The following UBE4B variants were observed in gnomAD, a reference collection of about 807,000 sequenced individuals.
The protein encoded by UBE4B is ubiquitin conjugation factor E4 B.
UBE4B carries 27 observed loss-of-function variants against 148.1 expected under a neutral mutation model. That is an observed-to-expected ratio of 0.18 (90% confidence interval 0.13 to 0.25). The LOEUF (loss-of-function observed/expected upper bound fraction) is 0.25, where lower values mean the gene tolerates loss of function less well. Ranked by LOEUF, UBE4B falls within the 10% of genes least tolerant of loss-of-function variation. UBE4B has a pLI of 1.00. For missense variants in UBE4B, 1,170 were observed against 1,662.4 expected (o/e 0.70, Z 5.15); for synonymous variants, 596 against 619.3 (o/e 0.96, Z 0.56).
At chr1:10,126,487 A>G (rs1645500783) in intron 10 of UBE4B, among the ~76,000 whole-genome samples, 1 of 152,220 alleles carries the variant, frequency 6.6e-6, no homozygotes, top group African/African-American at 2.4e-5. Flanking sequence ...GAGTTCTTCA[A>G]CAGGCTCCAA....
chr1:10,103,873 G>C (rs1361365479), intron 5 of UBE4B, among the ~76,000 whole-genome samples: 1 of 151,992 alleles, frequency 6.6e-6, no homozygotes, highest in Non-Finnish European at 1.5e-5. Flanking sequence ...TGATCCGCCC[G>C]CCTTGGCCTC....
intron 3 of UBE4B, among the ~76,000 whole-genome samples, chr1:10,100,577 G>T (rs145266804): frequency 6.6e-6 from 1 of 151,876 alleles, no homozygotes; most frequent in Non-Finnish European, 1.5e-5. Context: ...TATTTGAGAC[G>T]GAGTTTCGCT....
intron 17 of UBE4B, among the ~76,000 whole-genome samples, chr1:10,140,939 T>G (rs1047730976): frequency 6.6e-6 from 1 of 152,332 alleles, no homozygotes; most frequent in Admixed American, 6.5e-5. Context: ...ATTCAAAGTT[T>G]GGGTCAACTA....
intron 1 of UBE4B, among the ~76,000 whole-genome samples, chr1:10,056,265 G>A (rs557913766): frequency 3.3e-5 from 5 of 152,184 alleles, no homozygotes; most frequent in African/African-American, 9.6e-5. Context: ...GTACACACTC[G>A]TATTATTTAG....
At chr1:10,119,161 G>C (rs913405555) in intron 8 of UBE4B, among the ~76,000 whole-genome samples, 1 of 151,936 alleles carries the variant, frequency 6.6e-6, no homozygotes, top group African/African-American at 2.4e-5. Context: ...GATTACAGGC[G>C]TGAGCCACCG....
chr1:10,034,111 A>G (rs1405072308), intron 1 of UBE4B, among the ~76,000 whole-genome samples: 1 of 152,222 alleles, frequency 6.6e-6, no homozygotes, highest in Non-Finnish European at 1.5e-5. Flanking sequence ...AAAGCATTTG[A>G]AATTCCAGAT....
intron 2 of UBE4B, among the ~76,000 whole-genome samples, chr1:10,082,619 A>G (rs1365372961): frequency 1.4e-5 from 2 of 146,312 alleles, no homozygotes; most frequent in Admixed American, 6.8e-5. Context: ...TGTAGGTCCT[A>G]TTAAGAAGGC....
chr1:10,137,084 T>G lies in UBE4B; in HGVS notation c.2242T>G (p.Phe748Val). 6.2e-7 allele frequency: 1 copy of G among 1,614,228 alleles called. No individual in the cohort carries two copies. The highest frequency in any genetic ancestry group is 1.1e-5 in the South Asian group (1 of 91,090). The change falls in exon 17 of 28, where the codon TTT (phenylalanine) becomes GTT (valine). Residue 748 changes from phenylalanine to valine, a missense_variant. By Grantham distance (50) the Phe-to-Val change is conservative (BLOSUM62 -1). Coordinates refer to ENST00000343090, the MANE Select transcript of UBE4B (RefSeq NM_001105562.3). ...TTTCCTAGATGGCGATCAGCCTCCATTTTCTGAGCCGAAATTCCCTACGGA... is the reference window on the plus strand; with the variant it reads ...TTTCCTAGATGGCGATCAGCCTCCAGTTTCTGAGCCGAAATTCCCTACGGA... ...LTELYGDQPP[F>V]SEPKFPTECF... is the part of the protein sequence containing the mutation.
intron 20 of UBE4B, among the ~76,000 whole-genome samples, 192 bp downstream of exon 20, chr1:10,149,474 CAG>C (rs1645935511): frequency 6.6e-6 from 1 of 152,222 alleles, no homozygotes; most frequent in South Asian, 2.1e-4. Flanking sequence ...ATCTCAAAGA[CAG>C]AGGCAGGATT....
chr1:10,129,562 G>C, intron 12 of UBE4B, 114 bp downstream of exon 12: 1 of 1,052,318 alleles, frequency 9.5e-7, no homozygotes, highest in Non-Finnish European at 1.4e-6. Context: ...TTAGGTGTAG[G>C]CGGAGGTAAC....
intron 22 of UBE4B, among the ~76,000 whole-genome samples, chr1:10,160,867 C>T (rs1038147353): frequency 2.0e-5 from 3 of 152,090 alleles, no homozygotes; most frequent in Non-Finnish European, 4.4e-5. Context: ...TGCTTGAGCC[C>T]TGGAGGTCGA....
intron 26 of UBE4B, chr1:10,179,118 G>T (rs1646468727): frequency 2.1e-6 from 1 of 482,742 alleles, no homozygotes. Flanking sequence ...CTAAGACAAA[G>T]AATTCCAGCC....
At chr1:10,150,009 G>A (rs781372165) in intron 20 of UBE4B, among the ~76,000 whole-genome samples, 1 of 152,140 alleles carries the variant, frequency 6.6e-6, no homozygotes, top group South Asian at 2.1e-4. Flanking sequence ...TAGGTCCCCA[G>A]TCACAGAATA....
chr1:10,147,051 T>A lies in UBE4B; in HGVS notation c.2552T>A (p.Ile851Asn), dbSNP rs1645884832. Reference sequence around the variant, plus strand: ...TGTCTGAATTTTTATGGCCTTCTCATTCAGCTGCTGCTCCGCATCCTGGAC... The same window carrying A: ...TGTCTGAATTTTTATGGCCTTCTCAATCAGCTGCTGCTCCGCATCCTGGAC... Reference protein sequence around the residue: ...RRCLNFYGLLIQLLLRILDPA... With the variant: ...RRCLNFYGLLNQLLLRILDPA... Residue 851 changes from isoleucine to asparagine, a missense_variant, in exon 19 of 28, where the codon ATT becomes AAT. Ile to Asn is a moderately radical substitution (Grantham distance 149, BLOSUM62 -3). Around this residue, in one of 6 missense-constraint regions of UBE4B, gnomAD observed 348 missense variants for 627.2 expected, o/e 0.55. Coordinates refer to ENST00000343090, the MANE Select transcript of UBE4B (RefSeq NM_001105562.3). 1 of 1,614,034 alleles carries A rather than the reference T, an allele frequency of 6.2e-7. No homozygotes were observed. Among genetic ancestry groups the A allele is most frequent in the Admixed American group, 1.7e-5 (1 of 59,988 alleles).
At chr1:10,090,986 A>G (rs1478506584) in intron 2 of UBE4B, among the ~76,000 whole-genome samples, 1 of 152,226 alleles carries the variant, frequency 6.6e-6, no homozygotes, top group Admixed American at 6.5e-5. Context: ...ATCTTCCCAC[A>G]TAGAATGCAT....
At chr1:10,069,063 A>G (rs1309704128) in intron 1 of UBE4B, among the ~76,000 whole-genome samples, 1 of 152,196 alleles carries the variant, frequency 6.6e-6, no homozygotes, top group Non-Finnish European at 1.5e-5. Flanking sequence ...ACCTTTTTTG[A>G]AACCTTAGAA....
rs545269227 is a variant in UBE4B, at chr1:10,038,649, A to T, written c.24+4955A>T. ...TAAATTCACCACAGCTTTTGTATCA[A>T]CATCCTACGTAACACTGACCCACTC... On this transcript the variant is annotated intron_variant, in intron 1 of 27. Coordinates refer to ENST00000343090, the MANE Select transcript of UBE4B (RefSeq NM_001105562.3). Among the ~76,000 whole-genome samples the T allele has an allele frequency of 9.8e-5, 15 of 152,290 alleles. No homozygotes were observed. In the East Asian group the frequency reaches 2.9e-3, roughly 29 times the overall value.
At chr1:10,127,903 T>C (rs1645528156) in intron 11 of UBE4B, among the ~76,000 whole-genome samples, 1 of 152,322 alleles carries the variant, frequency 6.6e-6, no homozygotes, top group Admixed American at 6.5e-5. Flanking sequence ...ATTTAAAAAA[T>C]TCAAACCTGT....
intron 1 of UBE4B, among the ~76,000 whole-genome samples, chr1:10,069,606 C>G (rs1261244852): frequency 6.6e-6 from 1 of 152,188 alleles, no homozygotes; most frequent in African/African-American, 2.4e-5. Flanking sequence ...GCGATATTGG[C>G]TCACTGCAAC....
Sources: allele counts gnomAD v4.1 joint callset (sites outside exome capture counted in the v4.1 genomes callset), GRCh38; gene constraint gnomAD v4.1.1; regional missense constraint gnomAD v4.1.1; transcripts MANE v1.5; gene names NCBI Gene and HGNC (gene_info 2026-07-23, HGNC 2026-07-21).